GALNTL6: variants seen among roughly 807,000 people sequenced by gnomAD.
The protein encoded by GALNTL6 is polypeptide N-acetylgalactosaminyltransferase-like 6.
A neutral mutation model predicts 73.7 loss-of-function variants in GALNTL6; 46 were observed. The observed-to-expected ratio is 0.62, with a 90% confidence interval of 0.49 to 0.80. The LOEUF (loss-of-function observed/expected upper bound fraction) is 0.80, where lower values mean the gene tolerates loss of function less well. Ranked by LOEUF, GALNTL6 falls within the 30% of genes least tolerant of loss-of-function variation. GALNTL6 has a pLI of 0.00. For missense variants in GALNTL6, 604 were observed against 755.0 expected (o/e 0.80, Z 2.34); for synonymous variants, 259 against 263.7 (o/e 0.98, Z 0.17).
intron 5 of GALNTL6, among the ~76,000 whole-genome samples, chr4:172,661,203 A>G (rs1411482317): frequency 6.6e-6 from 1 of 152,190 alleles, no homozygotes; most frequent in Non-Finnish European, 1.5e-5. Flanking sequence ...GAAGGCCTCA[A>G]TAAAACAAAA....
At chr4:172,086,685 A>G (rs927931733) in intron 2 of GALNTL6, among the ~76,000 whole-genome samples, 1 of 152,020 alleles carries the variant, frequency 6.6e-6, no homozygotes, top group African/African-American at 2.4e-5. Flanking sequence ...GACCTCCATT[A>G]TTTCAAATAA....
intron 2 of GALNTL6, among the ~76,000 whole-genome samples, chr4:171,924,948 T>A (rs1737934271): frequency 6.6e-6 from 1 of 152,148 alleles, no homozygotes; most frequent in Non-Finnish European, 1.5e-5. Context: ...CCAGCACACA[T>A]TGTATCTTAG....
At chr4:172,142,523 T>C (rs1403856435) in intron 2 of GALNTL6, among the ~76,000 whole-genome samples, 2 of 152,058 alleles carry the variant, frequency 1.3e-5, no homozygotes, top group African/African-American at 4.8e-5. Flanking sequence ...CCATTGAACA[T>C]AAATTTTAAC....
chr4:172,299,104 A>G (rs1010879755), intron 3 of GALNTL6, among the ~76,000 whole-genome samples: 4 of 152,264 alleles, frequency 2.6e-5, no homozygotes, highest in African/African-American at 9.6e-5. Flanking sequence ...GGGAGAGTGT[A>G]TGTGTCGAGG....
intron 2 of GALNTL6, among the ~76,000 whole-genome samples, chr4:171,867,316 T>C (rs541609650): frequency 2.0e-5 from 3 of 152,256 alleles, no homozygotes; most frequent in South Asian, 4.1e-4. Context: ...AAGGTCATCT[T>C]GTATAATAAA....
intron 5 of GALNTL6, among the ~76,000 whole-genome samples, chr4:172,592,670 G>GTCTGTCTATCTATCTA (rs71592086): frequency 1.9e-4 from 27 of 142,094 alleles, no homozygotes; most frequent in East Asian, 1.7e-3. Flanking sequence ...CTGTCTGTCT[G>GTCTGTCTATCTATCTA]TCTATCTATC....
intron 2 of GALNTL6, among the ~76,000 whole-genome samples, chr4:172,020,777 G>T (rs894161867): frequency 6.6e-6 from 1 of 151,800 alleles, no homozygotes; most frequent in Non-Finnish European, 1.5e-5. Context: ...GAAAAATAAG[G>T]GTGGAGGAAA....
In GALNTL6 at chr4:172,206,805, G is replaced by GTTTTTTTTTTTTTTTTTTTTTTTTTTTT. The variant is rs778156050; in HGVS notation, c.139-22843_139-22842insTTTTTTTTTTTTTTTTTTTTTTTTTTTT. 7.7e-5 allele frequency among the ~76,000 whole-genome samples: 2 copies of GTTTTTTTTTTTTTTTTTTTTTTTTTTTT among 26,128 alleles called. 1 individual carries two copies. Among genetic ancestry groups the GTTTTTTTTTTTTTTTTTTTTTTTTTTTT allele is most frequent in the African/African-American group, 1.9e-4 (2 of 10,512 alleles). 17.1% of individuals were successfully genotyped at this position (26,128 alleles called of 152,430 possible). A position where few individuals can be genotyped will look rare whatever the true frequency, so the allele number is the denominator to read the frequency against. ...TTGTTTTGTTTTGTTTTGTTTTTCT[G>GTTTTTTTTTTTTTTTTTTTTTTTTTTTT]TTTTTTTTGTTTGTTTTTTTTTTTT... On this transcript the variant is annotated intron_variant, in intron 2 of 12. Coordinates refer to ENST00000506823, the MANE Select transcript of GALNTL6 (RefSeq NM_001034845.3).
chr4:172,865,626 A>C (rs1158404311), intron 7 of GALNTL6, among the ~76,000 whole-genome samples: 1 of 152,208 alleles, frequency 6.6e-6, no homozygotes. Context: ...ATATACACAT[A>C]AATCACTGTT....
chr4:172,243,695 C>T (rs976633477), intron 3 of GALNTL6, among the ~76,000 whole-genome samples: 5 of 152,140 alleles, frequency 3.3e-5, no homozygotes, highest in African/African-American at 7.2e-5. Flanking sequence ...AAACCCCATT[C>T]GAGAAGTGGG....
chr4:172,882,840 G>A lies in GALNTL6; in HGVS notation c.974G>A (p.Trp325Ter). ...TTTGCTGTGGATCGGAAATGGTTTT[G>A]GGAATTGGGTGGCTATGATCCAGGT... ...GLFAVDRKWF[W>*]ELGGYDPGLE... is the part of the protein sequence containing the mutation. The change falls in exon 8 of 13, where the codon TGG (tryptophan) becomes TAG (stop). Residue 325 changes from tryptophan (W) to a stop codon, truncating the protein, a stop_gained. Transcript: ENST00000506823. LOFTEE classifies it high-confidence loss of function. 1 of 1,613,134 alleles carries A rather than the reference G, an allele frequency of 6.2e-7. No homozygotes were observed. Among genetic ancestry groups the A allele is most frequent in the Non-Finnish European group, 8.5e-7 (1 of 1,179,226 alleles).
intron 2 of GALNTL6, among the ~76,000 whole-genome samples, chr4:171,943,772 C>T (rs1738622096): frequency 6.6e-6 from 1 of 152,084 alleles, no homozygotes; most frequent in South Asian, 2.1e-4. Context: ...TTAATGTTTT[C>T]CTTGAAGTTC....
intron 3 of GALNTL6, among the ~76,000 whole-genome samples, chr4:172,300,511 G>A (rs1739872781): frequency 6.6e-6 from 1 of 152,156 alleles, no homozygotes; most frequent in African/African-American, 2.4e-5. Flanking sequence ...GCTGGTACCG[G>A]TTGTTCCTTT....
At chr4:172,359,418 C>T (rs1742286338) in intron 5 of GALNTL6, among the ~76,000 whole-genome samples, 1 of 152,042 alleles carries the variant, frequency 6.6e-6, no homozygotes, top group Non-Finnish European at 1.5e-5. Flanking sequence ...GGCTTAGTAC[C>T]TGGGTGATGA....
At chr4:172,273,560 G>C (rs1020220981) in intron 3 of GALNTL6, among the ~76,000 whole-genome samples, 1 of 152,164 alleles carries the variant, frequency 6.6e-6, no homozygotes, top group African/African-American at 2.4e-5. Flanking sequence ...AAACAGAAAA[G>C]AGAAGCAGGG....
Position 172,982,375 on chromosome 4 carries a change from G to A in GALNTL6, c.1372-26803G>A, listed in dbSNP as rs79572246. Among the ~76,000 whole-genome samples the A allele has an allele frequency of 2.0e-3, 305 of 152,252 alleles. 1 individual carries two copies. Among genetic ancestry groups the A allele is most frequent in the African/African-American group, 6.8e-3 (283 of 41,536 alleles). ...TAGAGGGAGGAACTGTGCCCTTAAC[G>A]TGATTTTTGGCTTTATTGTCCCTGG... On this transcript the variant is annotated intron_variant, in intron 10 of 12. Coordinates refer to ENST00000506823, the MANE Select transcript of GALNTL6 (RefSeq NM_001034845.3).
intron 5 of GALNTL6, among the ~76,000 whole-genome samples, chr4:172,780,136 T>G (rs1434692281): frequency 2.0e-5 from 3 of 151,732 alleles, no homozygotes; most frequent in Non-Finnish European, 2.9e-5. Flanking sequence ...TTTAAAGTAG[T>G]GCAAGCTGCT....
chr4:171,822,349 G>A (rs144619438), intron 2 of GALNTL6, among the ~76,000 whole-genome samples: 1 of 152,160 alleles, frequency 6.6e-6, no homozygotes, highest in Non-Finnish European at 1.5e-5. Flanking sequence ...GGGGAGTTCA[G>A]ATACTTCAAG....
chr4:171,983,982 G>A (rs1015317757), intron 2 of GALNTL6, among the ~76,000 whole-genome samples: 1 of 152,140 alleles, frequency 6.6e-6, no homozygotes, highest in African/African-American at 2.4e-5. Context: ...GGTTGGACAT[G>A]TGCCCAGCAG....
Sources: allele counts gnomAD v4.1 joint callset (sites outside exome capture counted in the v4.1 genomes callset), GRCh38; gene constraint gnomAD v4.1.1; transcripts MANE v1.5; gene names NCBI Gene and HGNC (gene_info 2026-07-23, HGNC 2026-07-21).